The following ZNF385D variants were observed in gnomAD, a reference collection of about 807,000 sequenced individuals.
The protein encoded by ZNF385D is zinc finger protein 385D.
Under a neutral mutation model 35.8 loss-of-function variants are expected in ZNF385D, and 15 were observed. The ratio of observed to expected loss-of-function variants is 0.42; its 90% confidence interval spans 0.28 to 0.64. The LOEUF is 0.64. Among genes scored for constraint, ZNF385D ranks in the 30% least tolerant of loss-of-function variants. The probability of loss-of-function intolerance (pLI) is 0.23; values close to 1 mark genes in which losing one functional copy is unlikely to be tolerated. For synonymous variants in ZNF385D, 212 were observed against 186.8 expected (o/e 1.13, Z -1.10); for missense variants, 474 against 494.6 (o/e 0.96, Z 0.39).
chr3:21,426,213 T>A (rs412882), intron 5 of ZNF385D, among the ~76,000 whole-genome samples: 138,255 of 151,908 alleles, frequency 0.91, 63,045 homozygotes, highest in East Asian at 0.95. Context: ...AGGTTCCAAG[T>A]GAGAGTAATA....
chr3:21,880,542 G>T (rs912892122), intron 3 of ZNF385D, among the ~76,000 whole-genome samples: 4 of 151,812 alleles, frequency 2.6e-5, no homozygotes, highest in African/African-American at 9.7e-5. Flanking sequence ...TCCACCGGTC[G>T]ACCCATGTCT....
intron 3 of ZNF385D, among the ~76,000 whole-genome samples, chr3:21,870,362 G>A (rs1011913032): frequency 1.3e-5 from 2 of 152,154 alleles, no homozygotes; most frequent in African/African-American, 4.8e-5. Flanking sequence ...GCAGGCCCTA[G>A]CTGTGGTTTC....
chr3:22,143,026 A>AG lies in ZNF385D; in HGVS notation c.325+25790_325+25791insC, dbSNP rs201507606. On this transcript the variant is annotated intron_variant, in intron 3 of 5. Transcript: ENST00000494108. ...TGAATGACAATAATAATAAAAAAAA[A>AG]AGAGATTCATTTGATATATTCTATT... 5.7e-3 allele frequency among the ~76,000 whole-genome samples: 868 copies of AG among 151,678 alleles called. 7 individuals carry two copies. The highest frequency in any genetic ancestry group is 0.019 in the African/African-American group (767 of 41,260).
chr3:21,845,027 G>T (rs999134018), intron 3 of ZNF385D, among the ~76,000 whole-genome samples: 10 of 146,328 alleles, frequency 6.8e-5, no homozygotes, highest in Admixed American at 1.3e-4. Context: ...AATAAGAGAA[G>T]AAAAAGAAAA....
chr3:21,982,078 A>T (rs10212237), intron 3 of ZNF385D, among the ~76,000 whole-genome samples: 1,679 of 96,362 alleles, frequency 0.017, 46 homozygotes, highest in African/African-American at 0.075. Context: ...ATTTTAAAAT[A>T]GTTTTTTTTT....
chr3:21,875,738 G>C (rs1167591282), intron 3 of ZNF385D, among the ~76,000 whole-genome samples: 1 of 152,048 alleles, frequency 6.6e-6, no homozygotes, highest in Admixed American at 6.6e-5. Context: ...ACTCCAAGTA[G>C]TGGCAGCCGT....
chr3:21,496,940 C>G (rs1239602720), intron 4 of ZNF385D, among the ~76,000 whole-genome samples: 3 of 152,102 alleles, frequency 2.0e-5, no homozygotes, highest in Non-Finnish European at 4.4e-5. Context: ...CCATACCCAA[C>G]ATCATACTGA....
At chr3:21,920,463 A>G (rs181145255) in intron 3 of ZNF385D, among the ~76,000 whole-genome samples, 159 of 152,252 alleles carry the variant, frequency 1.0e-3, no homozygotes, top group African/African-American at 3.7e-3. Context: ...CAGAAATATT[A>G]GTAGGTTTTT....
chr3:22,258,956 G>A (rs902284163), intron 2 of ZNF385D, among the ~76,000 whole-genome samples: 10 of 151,808 alleles, frequency 6.6e-5, no homozygotes, highest in Admixed American at 6.6e-5. Flanking sequence ...GACCAGGAAG[G>A]AGCTTTTGAA....
intron 2 of ZNF385D, among the ~76,000 whole-genome samples, chr3:21,574,164 A>T (rs1271579463): frequency 6.6e-6 from 1 of 152,110 alleles, no homozygotes; most frequent in East Asian, 1.9e-4. Flanking sequence ...ACTAGGCATC[A>T]AGTATCTCCT....
chr3:21,890,625 GAAAAT>G (rs1698802534), intron 3 of ZNF385D, among the ~76,000 whole-genome samples: 1 of 151,408 alleles, frequency 6.6e-6, no homozygotes, highest in African/African-American at 2.4e-5. Context: ...TCTCAGAAAA[GAAAAT>G]AAAAGAGAAG....
intron 3 of ZNF385D, among the ~76,000 whole-genome samples, chr3:21,948,482 T>G (rs2125292184): frequency 6.6e-6 from 1 of 152,216 alleles, no homozygotes; most frequent in African/African-American, 2.4e-5. Flanking sequence ...TAGTAAAATA[T>G]TCAATATTGC....
intron 1 of ZNF385D, among the ~76,000 whole-genome samples, chr3:21,699,331 C>A (rs1158888577): frequency 6.6e-6 from 1 of 151,894 alleles, no homozygotes; most frequent in Non-Finnish European, 1.5e-5. Flanking sequence ...CACACCGGGG[C>A]CTGTCAGGGG....
intron 2 of ZNF385D, among the ~76,000 whole-genome samples, chr3:22,299,589 GA>G (rs1702786295): frequency 6.6e-6 from 1 of 151,764 alleles, no homozygotes; most frequent in South Asian, 2.1e-4. Flanking sequence ...GACTTCACTA[GA>G]AAACTGTTAG....
chr3:21,677,162 G>C (rs1328206606), intron 1 of ZNF385D, among the ~76,000 whole-genome samples: 1 of 152,098 alleles, frequency 6.6e-6, no homozygotes, highest in Admixed American at 6.6e-5. Context: ...AGTGGGACTT[G>C]TCATTGCTGG....
intron 2 of ZNF385D, among the ~76,000 whole-genome samples, chr3:22,190,987 C>T (rs1045628551): frequency 6.6e-6 from 1 of 151,954 alleles, no homozygotes; most frequent in Non-Finnish European, 1.5e-5. Flanking sequence ...AATTACATGG[C>T]TGTTATTCAT....
intron 3 of ZNF385D, among the ~76,000 whole-genome samples, chr3:21,778,169 A>C (rs990676566): frequency 6.6e-6 from 1 of 151,966 alleles, no homozygotes; most frequent in African/African-American, 2.4e-5. Context: ...AAAGAAAGCC[A>C]ATCAGTGCCC....
intron 3 of ZNF385D, among the ~76,000 whole-genome samples, chr3:21,790,763 C>T (rs1559624710): frequency 6.6e-6 from 1 of 152,166 alleles, no homozygotes; most frequent in South Asian, 2.1e-4. Flanking sequence ...TTTCTCTCTC[C>T]ATATGAGAAT....
At chr3:22,049,863 G>A (rs565771751) in intron 3 of ZNF385D, among the ~76,000 whole-genome samples, 9 of 152,248 alleles carry the variant, frequency 5.9e-5, no homozygotes, top group Non-Finnish European at 1.3e-4. Context: ...TGATCATGGT[G>A]AGTTATTCTC....
Sources: allele counts gnomAD v4.1 joint callset (sites outside exome capture counted in the v4.1 genomes callset), GRCh38; gene constraint gnomAD v4.1.1; transcripts MANE v1.5; gene names NCBI Gene and HGNC (gene_info 2026-07-23, HGNC 2026-07-21).